Variants in SUPT3H observed in about 807,000 individuals in gnomAD.
SUPT3H encodes the protein transcription initiation protein SPT3 homolog.
In SUPT3H, 44 loss-of-function variants were observed where a neutral mutation model predicts 44.3. That is an observed-to-expected ratio of 0.99 (90% confidence interval 0.78 to 1.28). SUPT3H has a LOEUF of 1.28. Among genes scored for constraint, SUPT3H ranks in the 50% most tolerant of loss-of-function variants. SUPT3H has a pLI of 0.00. For missense variants in SUPT3H, 380 were observed against 387.1 expected (o/e 0.98, Z 0.15); for synonymous variants, 124 against 125.6 (o/e 0.99, Z 0.09).
Position 44,888,663 on chromosome 6 carries a change from T to C in SUPT3H, c.912+43990A>G, listed in dbSNP as rs536602690. 3.3e-5 allele frequency among the ~76,000 whole-genome samples: 5 copies of C among 152,180 alleles called. No homozygotes were observed. The East Asian group carries it at 7.7e-4, about 24-fold the overall frequency. ...GACAAACCCACAGCCAATATCATAC[T>C]GAATGGGCAAAAACTGGAAGCATTC... On this transcript the variant is annotated intron_variant, in intron 10 of 10. Transcript: ENST00000371459.
intron 2 of SUPT3H, among the ~76,000 whole-genome samples, chr6:45,157,761 C>T (rs1808085182): frequency 6.6e-6 from 1 of 151,560 alleles, no homozygotes; most frequent in Non-Finnish European, 1.5e-5. Flanking sequence ...GTTGGTAAGG[C>T]TGGTCTCAAA....
chr6:45,208,266 C>CAGAAGAAA (rs556816767), intron 2 of SUPT3H, among the ~76,000 whole-genome samples: 6 of 152,076 alleles, frequency 3.9e-5, no homozygotes, highest in Admixed American at 6.6e-5. Context: ...GGTAAGGATT[C>CAGAAGAAA]AGAAGAAAAG....
chr6:45,025,307 T>C (rs1204308203), intron 3 of SUPT3H, among the ~76,000 whole-genome samples: 1 of 152,202 alleles, frequency 6.6e-6, no homozygotes, highest in East Asian at 1.9e-4. Context: ...ATGCAGTTCA[T>C]AATAGCTTAA....
intron 2 of SUPT3H, among the ~76,000 whole-genome samples, chr6:45,234,584 C>T (rs1180960423): frequency 2.0e-5 from 3 of 151,016 alleles, no homozygotes; most frequent in Admixed American, 2.0e-4. Flanking sequence ...TATATACACA[C>T]ATGACCTGAA....
intron 2 of SUPT3H, among the ~76,000 whole-genome samples, chr6:45,324,448 G>C (rs1163811500): frequency 6.6e-6 from 1 of 151,810 alleles, no homozygotes; most frequent in South Asian, 2.1e-4. Context: ...AATCTACCGA[G>C]TATTCATTAG....
intron 2 of SUPT3H, among the ~76,000 whole-genome samples, chr6:45,199,154 C>A (rs1816578599): frequency 6.6e-6 from 1 of 150,946 alleles, no homozygotes; most frequent in Non-Finnish European, 1.5e-5. Context: ...TAAAATACAC[C>A]TATTTCTTAA....
intron 2 of SUPT3H, among the ~76,000 whole-genome samples, chr6:45,213,849 A>G (rs1029533028): frequency 3.3e-5 from 5 of 152,152 alleles, no homozygotes; most frequent in African/African-American, 1.2e-4. Context: ...TTTAAACAGA[A>G]GATAAAAATT....
intron 2 of SUPT3H, among the ~76,000 whole-genome samples, chr6:45,287,210 G>T (rs538773841): frequency 6.6e-6 from 1 of 151,798 alleles, no homozygotes; most frequent in East Asian, 1.9e-4. Flanking sequence ...CCTGCACATT[G>T]TGCACATGTA....
At chr6:45,238,309 A>C (rs1486746823) in intron 2 of SUPT3H, among the ~76,000 whole-genome samples, 2 of 152,194 alleles carry the variant, frequency 1.3e-5, no homozygotes, top group Non-Finnish European at 2.9e-5. Context: ...TGGGGACCTC[A>C]GTAACTGACA....
In SUPT3H at chr6:44,975,069, G is replaced by A. The variant is rs549147631; in HGVS notation, c.505-13241C>T. Among the ~76,000 whole-genome samples the A allele has an allele frequency of 8.5e-5, 13 of 152,216 alleles. No individual in the cohort carries two copies. In the South Asian group the frequency reaches 2.5e-3, roughly 29 times the overall value. On this transcript the variant is annotated intron_variant, in intron 6 of 10. Transcript: ENST00000371459. Reference sequence around the variant, plus strand: ...GCCTGTAATCCTAGCTAGTCGGGAGGTTGAGGCAGGGGAATCACTTGAACC... The same window carrying A: ...GCCTGTAATCCTAGCTAGTCGGGAGATTGAGGCAGGGGAATCACTTGAACC...
At chr6:45,092,848 TAAC>T (rs886127780) in intron 3 of SUPT3H, among the ~76,000 whole-genome samples, 1 of 152,028 alleles carries the variant, frequency 6.6e-6, no homozygotes, top group African/African-American at 2.4e-5. Flanking sequence ...TAGAGTTTCA[TAAC>T]AACTTACTAG....
intron 2 of SUPT3H, among the ~76,000 whole-genome samples, chr6:45,173,382 G>A (rs1209935928): frequency 6.6e-6 from 1 of 152,182 alleles, no homozygotes; most frequent in Non-Finnish European, 1.5e-5. Context: ...ACAGTACTGA[G>A]TATATATCAG....
At chr6:45,096,308 T>C (rs1797772271) in intron 3 of SUPT3H, among the ~76,000 whole-genome samples, 1 of 152,174 alleles carries the variant, frequency 6.6e-6, no homozygotes, top group South Asian at 2.1e-4. Flanking sequence ...GTAATTCAAC[T>C]TTGAAATTCT....
intron 3 of SUPT3H, among the ~76,000 whole-genome samples, chr6:45,025,394 T>C (rs1785811152): frequency 6.6e-6 from 1 of 152,212 alleles, no homozygotes; most frequent in African/African-American, 2.4e-5. Flanking sequence ...TCCAGAACCA[T>C]TGACCCTGAA....
At chr6:44,909,143 G>A (rs1453592564) in intron 10 of SUPT3H, among the ~76,000 whole-genome samples, 2 of 4,436 alleles carry the variant, frequency 4.5e-4, no homozygotes, top group Non-Finnish European at 1.2e-3. Context: ...GTGTGTGTGC[G>A]TGTGTGTGTG....
chr6:45,337,623 A>G (rs1271055056), intron 2 of SUPT3H, among the ~76,000 whole-genome samples: 1 of 151,846 alleles, frequency 6.6e-6, no homozygotes, highest in Non-Finnish European at 1.5e-5. Flanking sequence ...ATGTGTCCAA[A>G]TCATTTTTAT....
At chr6:45,100,541 T>TAAAAAAAAAAAAAA (rs58120512) in intron 3 of SUPT3H, among the ~76,000 whole-genome samples, 10 of 33,446 alleles carry the variant, frequency 3.0e-4, no homozygotes, top group African/African-American at 7.1e-4. Context: ...ACCCTGTACT[T>TAAAAAAAAAAAAAA]AAAAAAAAAA....
chr6:45,042,389 C>T (rs146378815), intron 3 of SUPT3H, among the ~76,000 whole-genome samples: 44 of 152,308 alleles, frequency 2.9e-4, no homozygotes, highest in Non-Finnish European at 6.3e-4. Flanking sequence ...TGGCATTGCA[C>T]TCCAGCCTGA....
At chr6:44,884,728 G>A (rs938907569) in intron 10 of SUPT3H, among the ~76,000 whole-genome samples, 6 of 152,118 alleles carry the variant, frequency 3.9e-5, no homozygotes, top group Non-Finnish European at 8.8e-5. Context: ...CTGAGGTACC[G>A]GGTTCATCTC....
Sources: allele counts gnomAD v4.1 joint callset (sites outside exome capture counted in the v4.1 genomes callset), GRCh38; gene constraint gnomAD v4.1.1; transcripts MANE v1.5; gene names NCBI Gene and HGNC (gene_info 2026-07-23, HGNC 2026-07-21).